Variants in WNK3 observed in about 807,000 individuals in gnomAD.
WNK3 encodes the protein serine/threonine-protein kinase WNK3.
Under a neutral mutation model 116.7 loss-of-function variants are expected in WNK3, and 18 were observed. That is an observed-to-expected ratio of 0.15 (90% CI 0.11 to 0.23). The LOEUF is 0.23. WNK3 is among the 10% of genes least tolerant of loss of function. The pLI is 1.00. For synonymous variants in WNK3, 404 were observed against 469.4 expected (o/e 0.86, Z 1.80); for missense variants, 993 against 1,323.8 (o/e 0.75, Z 3.88).
intron 1 of WNK3, among the ~76,000 whole-genome samples, chrX:54,348,947 G>A (rs2069475485): frequency 1.8e-5 from 2 of 112,113 alleles, no homozygotes; most frequent in Non-Finnish European, 3.8e-5. Flanking sequence ...TAACTAACAA[G>A]GAACTAACAA....
intron 2 of WNK3, among the ~76,000 whole-genome samples, chrX:54,321,923 G>A (rs1179699853): frequency 3.7e-5 from 4 of 106,956 alleles, no homozygotes; most frequent in Non-Finnish European, 5.8e-5. Context: ...GGCAGAGGTT[G>A]CAGTGAGCCG....
chrX:54,298,128 C>T, intron 7 of WNK3, 47 bp downstream of exon 7: 2 of 877,078 alleles, frequency 2.3e-6, no homozygotes, highest in East Asian at 3.1e-5. Context: ...AAGGAATGAA[C>T]TCTGATACAA....
intron 17 of WNK3, among the ~76,000 whole-genome samples, chrX:54,244,275 A>G (rs1298985024): frequency 8.9e-6 from 1 of 111,947 alleles, no homozygotes; most frequent in East Asian, 2.8e-4. Flanking sequence ...CACAAAGAAT[A>G]TGAAATAAGA....
chrX:54,298,418 A>C, intron 6 of WNK3, 24 bp from the exon 7 acceptor site: 42 of 1,084,515 alleles, frequency 3.9e-5, no homozygotes, highest in South Asian at 7.7e-5. Flanking sequence ...CATATATCTC[A>C]TTATCAGTTC....
rs782264239 is a variant in WNK3, at chrX:54,333,544, T to C, written c.130A>G (p.Ser44Gly). ...GTTTCCCCAGAAGCAGAGAAGGTAC[T>C]GTTTTTCTCCTTTAGTCTAGCTTCT... The change falls in exon 2 of 24, where the codon AGT becomes GGT. Residue 44 changes from serine to glycine, a missense_variant. Physicochemically the swap from Ser to Gly is moderately conservative, Grantham distance 56. Coordinates refer to ENST00000354646, the Ensembl canonical transcript of WNK3. 4.1e-5 allele frequency: 50 copies of C among 1,209,726 alleles called. 1 individual carries two copies. The South Asian group carries it at 8.1e-4, about 20-fold the overall frequency.
At chrX:54,202,275 G>A (rs1557141841) in intron 22 of WNK3, 82 bp from the exon 23 acceptor site, 1 of 912,594 alleles carries the variant, frequency 1.1e-6, no homozygotes, top group Non-Finnish European at 1.5e-6. Flanking sequence ...GGCCAACAAA[G>A]CAGTTAACAG....
intron 22 of WNK3, among the ~76,000 whole-genome samples, chrX:54,219,510 T>C (rs2067736192): frequency 9.2e-6 from 1 of 108,303 alleles, no homozygotes; most frequent in Admixed American, 1.0e-4. Flanking sequence ...TGGTACCATT[T>C]CTACTAAAAA....
intron 20 of WNK3, among the ~76,000 whole-genome samples, chrX:54,235,172 C>A (rs1260992011): frequency 8.9e-6 from 1 of 112,080 alleles, no homozygotes; most frequent in Non-Finnish European, 1.9e-5. Flanking sequence ...TGGGCAAGGC[C>A]CTAGAAACTA....
chrX:54,328,390 C>G (rs1365818447), intron 2 of WNK3, among the ~76,000 whole-genome samples: 1 of 110,383 alleles, frequency 9.1e-6, no homozygotes, highest in East Asian at 2.8e-4. Context: ...AATATGCAGG[C>G]TGGGCACGGT....
intron 22 of WNK3, among the ~76,000 whole-genome samples, chrX:54,215,133 A>G (rs782372063): frequency 9.4e-6 from 1 of 106,588 alleles, no homozygotes; most frequent in Non-Finnish European, 1.9e-5. Flanking sequence ...AAAAAAAAAA[A>G]AAAAAACACC....
chrX:54,339,410 T>C (rs1232563896), intron 1 of WNK3, among the ~76,000 whole-genome samples: 3 of 110,768 alleles, frequency 2.7e-5, no homozygotes, highest in African/African-American at 9.8e-5. Context: ...ACATAGAACA[T>C]TCTCTGAAAA....
At chrX:54,273,274 A>G (rs1205702686) in intron 10 of WNK3, among the ~76,000 whole-genome samples, 2 of 112,277 alleles carry the variant, frequency 1.8e-5, no homozygotes, top group Non-Finnish European at 3.8e-5. Context: ...AATACTCTAG[A>G]AAGCAACAGA....
In WNK3 at chrX:54,298,412, T is replaced by C. The variant is rs1557166823; in HGVS notation, c.1179-18A>G. The C allele has an allele frequency of 9.1e-7, 1 of 1,101,284 alleles. No homozygotes were observed. The highest frequency in any genetic ancestry group is 2.2e-5 in the Admixed American group (1 of 45,213). 90.8% of individuals were successfully genotyped at this position (1,101,284 alleles called of 1,213,427 possible). On this transcript the variant is annotated intron_variant, in intron 6 of 23. Coordinates refer to ENST00000354646, the Ensembl canonical transcript of WNK3. ...TAGACAACCTAATAAACAAAACATA[T>C]ATCTCATTATCAGTTCTTCCAATCA...
In WNK3 at chrX:54,315,333, C is replaced by A. The variant is rs1271852746; in HGVS notation, c.538-4042G>T. 3.7e-5 allele frequency among the ~76,000 whole-genome samples: 4 copies of A among 108,419 alleles called. No homozygotes were observed. The East Asian group carries it at 1.2e-3, about 32-fold the overall frequency. The allele number at this position is 108,419 out of a possible 115,157, so 94.1% of individuals were successfully genotyped here. A position where few individuals can be genotyped will look rare whatever the true frequency, so the allele number is the denominator to read the frequency against. ...AAAAAAAAAAAAAAAGACTTAATCA[C>A]CCCTACACTGTCCACTTCTATATGA... On this transcript the variant is annotated intron_variant, in intron 2 of 23. Transcript: ENST00000354646.
intron 2 of WNK3, among the ~76,000 whole-genome samples, chrX:54,318,627 G>A (rs781925637): frequency 1.8e-5 from 2 of 109,191 alleles, no homozygotes; most frequent in East Asian, 5.8e-4. Context: ...CTTGAGCCCA[G>A]GCGTTCAAGG....
At chrX:54,205,163 C>T (rs782254797) in intron 22 of WNK3, among the ~76,000 whole-genome samples, 1 of 110,050 alleles carries the variant, frequency 9.1e-6, no homozygotes, top group Non-Finnish European at 1.9e-5. Flanking sequence ...TGCAGTGAGC[C>T]GAGATCACGC....
chrX:54,215,714 T>C (rs192756429), intron 22 of WNK3, among the ~76,000 whole-genome samples: 1 of 109,874 alleles, frequency 9.1e-6, no homozygotes, highest in African/African-American at 3.3e-5. Flanking sequence ...GGGGAGCACC[T>C]CTGCCCCGCC....
At chrX:54,347,697 C>T (rs781839847) in intron 1 of WNK3, among the ~76,000 whole-genome samples, 93 of 96,641 alleles carry the variant, frequency 9.6e-4, no homozygotes, top group Middle Eastern at 5.2e-3. Context: ...TATATATACA[C>T]ATATATATAT....
At chrX:54,348,124 ATGTGTGTG>A (rs781868512) in intron 1 of WNK3, among the ~76,000 whole-genome samples, 2 of 102,901 alleles carry the variant, frequency 1.9e-5, no homozygotes, top group Non-Finnish European at 2.0e-5. Context: ...CATTGTATAT[ATGTGTGTG>A]TGTGTGTGTG....
Sources: gnomAD v4.1 joint callset for allele counts (sites outside exome capture counted in the v4.1 genomes callset) on GRCh38, gnomAD v4.1.1 for gene constraint, MANE v1.5 for transcripts, NCBI Gene and HGNC (gene_info 2026-07-23, HGNC 2026-07-21) for gene names.